The following SPTLC3 variants were observed in gnomAD, a reference collection of about 807,000 sequenced individuals.
SPTLC3 encodes serine palmitoyltransferase long chain base subunit 3.
SPTLC3 carries 36 observed loss-of-function variants against 59.3 expected under a neutral mutation model. The observed-to-expected ratio is 0.61, with a 90% CI of 0.47 to 0.80. The LOEUF (loss-of-function observed/expected upper bound fraction) is 0.80. Ranked by LOEUF, SPTLC3 falls within the 30% of genes least tolerant of loss-of-function variation. SPTLC3 has a pLI of 0.00. For missense variants in SPTLC3, 625 were observed against 685.1 expected (o/e 0.91, Z 0.98); for synonymous variants, 257 against 240.8 (o/e 1.07, Z -0.62).
intron 2 of SPTLC3, among the ~76,000 whole-genome samples, chr20:13,066,010 C>A (rs187235): frequency 0.19 from 28,404 of 151,824 alleles, no homozygotes; most frequent in Middle Eastern, 0.27. Flanking sequence ...TAGGTCTCCA[C>A]AACTTATGCG....
chr20:13,093,422 C>G, intron 5 of SPTLC3, 62 bp from the exon 6 acceptor site: 1 of 1,471,866 alleles, frequency 6.8e-7, no homozygotes. Flanking sequence ...CCTGTCCCCA[C>G]AAGTTGTTTT....
At chr20:13,055,990 G>C (rs1040405653) in intron 2 of SPTLC3, among the ~76,000 whole-genome samples, 3 of 152,122 alleles carry the variant, frequency 2.0e-5, no homozygotes, top group Non-Finnish European at 4.4e-5. Context: ...TGCCACCAGG[G>C]ATCTTGGTGG....
chr20:13,126,503 T>C (rs1280223756), intron 8 of SPTLC3, 88 bp from the exon 9 acceptor site: 1 of 1,459,826 alleles, frequency 6.9e-7, no homozygotes, highest in Non-Finnish European at 9.2e-7. Context: ...TCTTTTGCTA[T>C]GAGGATAGGG....
chr20:13,153,495 T>C (rs1244881341), intron 9 of SPTLC3, among the ~76,000 whole-genome samples: 1 of 152,220 alleles, frequency 6.6e-6, no homozygotes, highest in Non-Finnish European at 1.5e-5. Context: ...TCTTTGTCTA[T>C]GAATATGCTA....
intron 1 of SPTLC3, among the ~76,000 whole-genome samples, chr20:13,042,990 C>A (rs1424919883): frequency 1.3e-5 from 2 of 152,176 alleles, no homozygotes; most frequent in Non-Finnish European, 2.9e-5. Flanking sequence ...TTTAACCAGG[C>A]TCCTATGTTT....
At chr20:13,139,829 T>C (rs1306801023) in intron 9 of SPTLC3, among the ~76,000 whole-genome samples, 1 of 152,202 alleles carries the variant, frequency 6.6e-6, no homozygotes, top group African/African-American at 2.4e-5. Context: ...TGACCCGGAA[T>C]AGAATAAAAG....
At chr20:13,149,440 C>A (rs193142436) in intron 9 of SPTLC3, among the ~76,000 whole-genome samples, 1 of 152,198 alleles carries the variant, frequency 6.6e-6, no homozygotes, top group Non-Finnish European at 1.5e-5. Flanking sequence ...AGATGAGTAG[C>A]GTTTTATAGG....
intron 1 of SPTLC3, among the ~76,000 whole-genome samples, chr20:13,040,594 G>A (rs1227686897): frequency 2.0e-5 from 3 of 151,930 alleles, no homozygotes; most frequent in African/African-American, 4.8e-5. Flanking sequence ...TCCTAACCTC[G>A]TGATCCACCT....
chr20:13,082,890 TGAA>T lies in SPTLC3; in HGVS notation c.608-8187_608-8185del, dbSNP rs140690229. On this transcript the variant is annotated intron_variant, in intron 4 of 11. Coordinates refer to ENST00000399002, the MANE Select transcript of SPTLC3 (RefSeq NM_018327.4). Reference sequence around the variant, plus strand: ...TCTTTTAAGGCCAGTGATATCAACTTGAAGAAGACCAAGGACATCATCAATGTC... The same window carrying T: ...TCTTTTAAGGCCAGTGATATCAACTTGAAGACCAAGGACATCATCAATGTC... 7.5e-3 allele frequency among the ~76,000 whole-genome samples: 1,149 copies of T among 152,286 alleles called. 12 individuals carry two copies. The highest frequency in any genetic ancestry group is 0.026 in the African/African-American group (1,071 of 41,566).
At chr20:13,049,324 G>T in intron 2 of SPTLC3, 194 bp downstream of exon 2, 1 of 598,470 alleles carries the variant, frequency 1.7e-6, no homozygotes. Flanking sequence ...AACATCTCAT[G>T]GGCAACTACT....
chr20:13,098,521 C>A (rs1041599554), intron 6 of SPTLC3, among the ~76,000 whole-genome samples: 5 of 152,092 alleles, frequency 3.3e-5, no homozygotes, highest in Non-Finnish European at 1.5e-5. Context: ...TAACTTTTTG[C>A]TGAAATTACA....
intron 9 of SPTLC3, 68 bp from the exon 10 acceptor site, chr20:13,153,935 A>C: frequency 6.3e-7 from 1 of 1,583,734 alleles, no homozygotes; most frequent in Non-Finnish European, 8.6e-7. Flanking sequence ...ATGCTTGCCA[A>C]GTTGACCGGA....
At position 13,072,385 on chromosome 20, in the gene SPTLC3, T is replaced by C. The variant is rs1417876783; in HGVS notation, c.433T>C (p.Ser145Pro). 1 of 1,608,860 alleles carries C rather than the reference T, an allele frequency of 6.2e-7. No individual in the cohort carries two copies. Among genetic ancestry groups the C allele is most frequent in the Non-Finnish European group, 8.5e-7 (1 of 1,178,204 alleles). The change falls in exon 3 of 12, where the codon TCA becomes CCA. Residue 145 changes from serine (S) to proline (P), a missense_variant. Ser to Pro is a moderately conservative substitution (Grantham distance 74). Transcript: ENST00000399002. ...TCTGTTTGATTTGATGGAGAGGGTATCAGACGACTATAACTGGACGTTTAG... is the reference window on the plus strand; with the variant it reads ...TCTGTTTGATTTGATGGAGAGGGTACCAGACGACTATAACTGGACGTTTAG... ...GPLFDLMERV[S>P]DDYNWTFRFT... is the part of the protein sequence containing the mutation.
At chr20:13,033,146 GTAA>G (rs766570608) in intron 1 of SPTLC3, among the ~76,000 whole-genome samples, 1 of 152,120 alleles carries the variant, frequency 6.6e-6, no homozygotes, top group South Asian at 2.1e-4. Flanking sequence ...CCTTGAGGAG[GTAA>G]TTTGGTTCTC....
At chr20:13,020,236 G>T (rs1327515265) in intron 1 of SPTLC3, among the ~76,000 whole-genome samples, 2 of 152,098 alleles carry the variant, frequency 1.3e-5, no homozygotes, top group Non-Finnish European at 2.9e-5. Flanking sequence ...TAGAGGGTGG[G>T]TGTGGTGGCT....
intron 8 of SPTLC3, among the ~76,000 whole-genome samples, chr20:13,121,190 T>A (rs1056155779): frequency 1.3e-5 from 2 of 152,176 alleles, no homozygotes; most frequent in Non-Finnish European, 2.9e-5. Flanking sequence ...TCCCACAGCC[T>A]CCACAGGCTG....
At chr20:13,100,853 C>CA (rs1989576230) in intron 6 of SPTLC3, among the ~76,000 whole-genome samples, 1 of 152,162 alleles carries the variant, frequency 6.6e-6, no homozygotes, top group African/African-American at 2.4e-5. Flanking sequence ...TCACAGGGGT[C>CA]AAAATGCAGA....
chr20:13,051,287 T>C (rs1987479101), intron 2 of SPTLC3, among the ~76,000 whole-genome samples: 1 of 152,092 alleles, frequency 6.6e-6, no homozygotes, highest in Non-Finnish European at 1.5e-5. Context: ...ATAGCAGGGG[T>C]AGCTATTCTA....
chr20:13,032,682 A>T (rs1986548915), intron 1 of SPTLC3, among the ~76,000 whole-genome samples: 1 of 151,988 alleles, frequency 6.6e-6, no homozygotes, highest in Admixed American at 6.6e-5. Flanking sequence ...TATTCACTAA[A>T]CACTCTGCTG....
Sources: gnomAD v4.1 joint callset for allele counts (sites outside exome capture counted in the v4.1 genomes callset) on GRCh38, gnomAD v4.1.1 for gene constraint, MANE v1.5 for transcripts, NCBI Gene and HGNC (gene_info 2026-07-23, HGNC 2026-07-21) for gene names.